The following TMEM120B variants were observed in gnomAD, a reference collection of about 807,000 sequenced individuals.
TMEM120B encodes transmembrane protein 120B.
Under a neutral mutation model 55.5 loss-of-function variants are expected in TMEM120B, and 31 were observed. That is an observed-to-expected ratio of 0.56 (90% CI 0.42 to 0.75). The LOEUF (loss-of-function observed/expected upper bound fraction) is 0.75. Among genes scored for constraint, TMEM120B ranks in the 30% least tolerant of loss-of-function variants. The pLI is 0.00. For missense variants in TMEM120B, 399 were observed against 425.5 expected (o/e 0.94, Z 0.55); for synonymous variants, 203 against 176.3 (o/e 1.15, Z -1.20).
intron 2 of TMEM120B, among the ~76,000 whole-genome samples, chr12:121,744,395 G>A (rs1873022421): frequency 6.6e-6 from 1 of 152,202 alleles, no homozygotes; most frequent in Non-Finnish European, 1.5e-5. Flanking sequence ...CATGGGTGAT[G>A]GGAGAAGAAG....
rs1290512980 is a variant in TMEM120B, at chr12:121,712,888, A to T, written c.-8A>T. ...GCCGCCGGCACCGCCGCCTTGCACC[A>T]TCGCATCATGTCCGGGCAGCTGGAG... is the stretch of plus-strand genomic sequence containing the variant. On this transcript the variant is annotated 5_prime_UTR_variant, in exon 1 of 12. Transcript: ENST00000449592. 5.9e-6 allele frequency: 9 copies of T among 1,520,274 alleles called. No homozygotes were observed. The highest frequency in any genetic ancestry group is 7.9e-6 in the Non-Finnish European group (9 of 1,140,236). 94.2% of individuals were successfully genotyped at this position (1,520,274 alleles called of 1,614,324 possible). A position where few individuals can be genotyped will look rare whatever the true frequency, so the allele number is the denominator to read the frequency against.
At chr12:121,719,675 A>G (rs1894760049) in intron 1 of TMEM120B, among the ~76,000 whole-genome samples, 1 of 151,964 alleles carries the variant, frequency 6.6e-6, no homozygotes, top group Non-Finnish European at 1.5e-5. Flanking sequence ...GGTGGTTCAC[A>G]GTTGCATGTT....
At chr12:121,751,310 C>A (rs541128127) in intron 4 of TMEM120B, among the ~76,000 whole-genome samples, 1 of 119,068 alleles carries the variant, frequency 8.4e-6, no homozygotes, top group Non-Finnish European at 1.8e-5. Flanking sequence ...CACACCCACA[C>A]CCCATACCCC....
chr12:121,745,844 T>TG (rs1873065678), intron 2 of TMEM120B, among the ~76,000 whole-genome samples: 1 of 151,664 alleles, frequency 6.6e-6, no homozygotes, highest in East Asian at 1.9e-4. Context: ...CCACCATGCT[T>TG]GGTTGTTGTT....
Position 121,780,995 on chromosome 12 carries a change from C to T in TMEM120B, c.*5273C>T. ...GGATCCCGCGGCAGAAATGCGTGAC[C>T]TCAGGGAACCACTGTGGAGGGAGGA... On this transcript the variant is annotated 3_prime_UTR_variant, in exon 12 of 12. Transcript: ENST00000449592. The T allele has an allele frequency of 6.2e-7, 1 of 1,613,666 alleles. No homozygotes were observed. Among genetic ancestry groups the T allele is most frequent in the Non-Finnish European group, 8.5e-7 (1 of 1,179,694 alleles).
intron 6 of TMEM120B, 100 bp from the exon 7 acceptor site, chr12:121,770,807 A>C (rs1874017476): frequency 9.3e-7 from 1 of 1,076,398 alleles, no homozygotes; most frequent in Admixed American, 1.8e-5. Flanking sequence ...GCCGTCTCTG[A>C]GTGCAGAGTA....
chr12:121,720,174 A>G (rs1010683814), intron 1 of TMEM120B, among the ~76,000 whole-genome samples: 1 of 152,182 alleles, frequency 6.6e-6, no homozygotes. Context: ...GCAGCATCAA[A>G]TCACTTAACC....
rs546684048 is a variant in TMEM120B at position 121,776,987 on chromosome 12, G to A, written c.*1265G>A. 3.5e-5 allele frequency: 5 copies of A among 142,120 alleles called. No homozygotes were observed. The highest frequency in any genetic ancestry group is 7.2e-5 in the Admixed American group (1 of 13,908). The allele number at this position is 142,120 out of a possible 1,614,324, so 8.8% of individuals were successfully genotyped here. A position where few individuals can be genotyped will look rare whatever the true frequency, so the allele number is the denominator to read the frequency against. ...TTTTTTTTTTTGAGATGGGAGTCTCGATCTGTTACCCAGGCTGGAGTGCAG... is the reference window on the plus strand; with the variant it reads ...TTTTTTTTTTTGAGATGGGAGTCTCAATCTGTTACCCAGGCTGGAGTGCAG... On this transcript the variant is annotated 3_prime_UTR_variant, in exon 12 of 12. Transcript: ENST00000449592.
At chr12:121,757,310 C>T (rs1010684381) in intron 5 of TMEM120B, among the ~76,000 whole-genome samples, 1 of 151,668 alleles carries the variant, frequency 6.6e-6, no homozygotes, top group African/African-American at 2.4e-5. Flanking sequence ...CACAGGAGCG[C>T]ACCACCACAC....
chr12:121,774,795 G>C, intron 10 of TMEM120B, 73 bp downstream of exon 10: 1 of 1,527,318 alleles, frequency 6.5e-7, no homozygotes, highest in Non-Finnish European at 9.0e-7. Context: ...TTCAGGCCTT[G>C]CCCTCCTTCT....
chr12:121,729,736 C>T (rs1894960227), intron 1 of TMEM120B, among the ~76,000 whole-genome samples: 1 of 152,008 alleles, frequency 6.6e-6, no homozygotes, highest in African/African-American at 2.4e-5. Flanking sequence ...GAGTTTGAGG[C>T]TGCAGTGAGC....
At chr12:121,738,820 C>T (rs1479078490) in intron 1 of TMEM120B, among the ~76,000 whole-genome samples, 1 of 152,164 alleles carries the variant, frequency 6.6e-6, no homozygotes, top group Non-Finnish European at 1.5e-5. Flanking sequence ...CACACATACC[C>T]CAAATCATGA....
At chr12:121,720,793 G>A (rs1035261906) in intron 1 of TMEM120B, among the ~76,000 whole-genome samples, 1 of 152,112 alleles carries the variant, frequency 6.6e-6, no homozygotes, top group Non-Finnish European at 1.5e-5. Flanking sequence ...CTTAAGTGGC[G>A]GTATGGCCCT....
chr12:121,715,333 A>AAAAAC (rs1230149843), intron 1 of TMEM120B, among the ~76,000 whole-genome samples: 3 of 152,200 alleles, frequency 2.0e-5, no homozygotes, highest in Non-Finnish European at 4.4e-5. Context: ...ACTCCGTCTC[A>AAAAAC]AAAACAAAAC....
At chr12:121,727,594 C>T (rs1894920488) in intron 1 of TMEM120B, among the ~76,000 whole-genome samples, 1 of 150,932 alleles carries the variant, frequency 6.6e-6, no homozygotes, top group South Asian at 2.1e-4. Context: ...GTAACATTGG[C>T]CCGGTGCGGT....
intron 1 of TMEM120B, among the ~76,000 whole-genome samples, chr12:121,714,118 G>C (rs962221450): frequency 1.1e-4 from 17 of 152,090 alleles, no homozygotes; most frequent in Non-Finnish European, 2.1e-4. Flanking sequence ...GAATAGAGGG[G>C]AAGGGACCTA....
intron 9 of TMEM120B, 84 bp downstream of exon 9, chr12:121,773,597 C>A: frequency 9.3e-7 from 1 of 1,072,038 alleles, no homozygotes; most frequent in Non-Finnish European, 1.3e-6. Flanking sequence ...CTGCGAGCAC[C>A]TCCCATACAG....
Position 121,752,217 on chromosome 12 carries a change from A to T in TMEM120B, c.455A>T (p.His152Leu). 1 of 1,613,654 alleles carries T rather than the reference A, an allele frequency of 6.2e-7. No homozygotes were observed. The highest frequency in any genetic ancestry group is 1.3e-5 in the African/African-American group (1 of 75,016). ...LGAVACRFVL[H>L]YRVTDEVFNF... ...GCCGTGGCATGTCGATTTGTCCTTCACTACAGGTAGTGGGTGTGGCCGTGT... is the reference window on the plus strand; with the variant it reads ...GCCGTGGCATGTCGATTTGTCCTTCTCTACAGGTAGTGGGTGTGGCCGTGT... Residue 152 changes from histidine to leucine, a missense_variant, in exon 5 of 12, where the codon CAC (histidine) becomes CTC (leucine). By Grantham distance (99) the His-to-Leu change is moderately conservative. Around this residue, in one of 3 missense-constraint regions of TMEM120B, gnomAD observed 260 missense variants for 303.9 expected, o/e 0.86. Transcript: ENST00000449592.
chr12:121,741,483 T>C (rs1872932180), intron 1 of TMEM120B, among the ~76,000 whole-genome samples: 1 of 151,636 alleles, frequency 6.6e-6, no homozygotes, highest in African/African-American at 2.4e-5. Flanking sequence ...GCATGTGCCA[T>C]CACGCCTGGC....
Sources: gnomAD v4.1 joint callset for allele counts (sites outside exome capture counted in the v4.1 genomes callset) on GRCh38, gnomAD v4.1.1 for gene constraint, gnomAD v4.1.1 regional missense constraint, MANE v1.5 for transcripts, NCBI Gene and HGNC (gene_info 2026-07-23, HGNC 2026-07-21) for gene names.